Variants in RALYL observed in about 807,000 individuals in gnomAD.
RALYL encodes RNA-binding Raly-like protein.
Under a neutral mutation model 35.1 loss-of-function variants are expected in RALYL, and 29 were observed. The observed-to-expected ratio is 0.83, with a 90% CI of 0.61 to 1.13. The LOEUF (loss-of-function observed/expected upper bound fraction) is 1.13, where lower values mean the gene tolerates loss of function less well. Among genes scored for constraint, RALYL ranks in the 50% most tolerant of loss-of-function variants. RALYL has a pLI of 0.00. For synonymous variants in RALYL, 120 were observed against 127.6 expected, an observed-to-expected ratio of 0.94 and a Z score of 0.40; for missense variants, 359 against 360.4, an observed-to-expected ratio of 1.00 and a Z score of 0.03.
chr8:84,704,095 G>T (rs1287353320), intron 2 of RALYL, among the ~76,000 whole-genome samples: 1 of 152,160 alleles, frequency 6.6e-6, no homozygotes, highest in East Asian at 1.9e-4. Context: ...AAGAATTTGT[G>T]ATTGTATGGA....
At chr8:84,758,348 T>A (rs1189350143) in intron 2 of RALYL, among the ~76,000 whole-genome samples, 3 of 152,160 alleles carry the variant, frequency 2.0e-5, no homozygotes, top group Admixed American at 1.3e-4. Context: ...AACCTTAGAG[T>A]AATTGCATGA....
At chr8:84,472,731 A>G (rs1199909249) in intron 1 of RALYL, among the ~76,000 whole-genome samples, 2 of 152,186 alleles carry the variant, frequency 1.3e-5, no homozygotes, top group African/African-American at 2.4e-5. Flanking sequence ...AGTGAAATAA[A>G]TCTGGCTACT....
At chr8:84,613,266 T>A (rs1018481030) in intron 2 of RALYL, among the ~76,000 whole-genome samples, 5 of 151,580 alleles carry the variant, frequency 3.3e-5, no homozygotes, top group Non-Finnish European at 5.9e-5. Context: ...TAAACTTAGT[T>A]GCAAATAAAG....
In RALYL at chr8:84,268,869, C is replaced by A. The variant is rs929712288; in HGVS notation, c.-24+84445C>A. 2.0e-5 allele frequency among the ~76,000 whole-genome samples: 3 copies of A among 152,060 alleles called. No individual in the cohort carries two copies. In the South Asian group the frequency reaches 6.2e-4, roughly 32 times the overall value. Reference sequence around the variant, plus strand: ...ATAAGTTCCCATAAGGCAAGGGAAGCATATCATATATGAGAAAGAATTTTA... The same window carrying A: ...ATAAGTTCCCATAAGGCAAGGGAAGAATATCATATATGAGAAAGAATTTTA... On this transcript the variant is annotated intron_variant, in intron 1 of 8. Coordinates refer to ENST00000521268, the MANE Select transcript of RALYL (RefSeq NM_173848.7).
intron 3 of RALYL, among the ~76,000 whole-genome samples, chr8:84,790,800 A>G (rs1474527625): frequency 3.3e-5 from 5 of 152,234 alleles, no homozygotes; most frequent in Non-Finnish European, 7.3e-5. Flanking sequence ...GAGATCCAGA[A>G]GTAGCGGATT....
intron 2 of RALYL, among the ~76,000 whole-genome samples, chr8:84,605,719 CA>C (rs1816970487): frequency 1.3e-5 from 2 of 152,098 alleles, no homozygotes; most frequent in Admixed American, 1.3e-4. Flanking sequence ...AATGTACTGG[CA>C]ATCTTTTTCT....
chr8:84,304,131 A>G (rs1168273344), intron 1 of RALYL, among the ~76,000 whole-genome samples: 1 of 151,728 alleles, frequency 6.6e-6, no homozygotes, highest in Non-Finnish European at 1.5e-5. Context: ...TTATTTATTT[A>G]TTTTTAGATG....
chr8:84,633,391 T>A (rs572467603), intron 2 of RALYL, among the ~76,000 whole-genome samples: 128 of 151,742 alleles, frequency 8.4e-4, no homozygotes, highest in Middle Eastern at 3.4e-3. Context: ...TAAAAAAAAA[T>A]TTTTAGCTGC....
At chr8:84,387,152 T>A (rs1859400317) in intron 1 of RALYL, among the ~76,000 whole-genome samples, 1 of 151,860 alleles carries the variant, frequency 6.6e-6, no homozygotes, top group Non-Finnish European at 1.5e-5. Context: ...TAACTAGCAG[T>A]GCCAGGGACA....
chr8:84,814,317 T>C (rs1294177747), intron 4 of RALYL, among the ~76,000 whole-genome samples: 2 of 152,170 alleles, frequency 1.3e-5, no homozygotes, highest in African/African-American at 2.4e-5. Context: ...AGAAGTTTCA[T>C]TATAAAAACC....
intron 2 of RALYL, among the ~76,000 whole-genome samples, chr8:84,545,176 T>C (rs2060274566): frequency 6.6e-6 from 1 of 152,124 alleles, no homozygotes; most frequent in African/African-American, 2.4e-5. Context: ...TCATCACTTA[T>C]TTTATAATCC....
chr8:84,693,868 T>C (rs1024481380), intron 2 of RALYL, among the ~76,000 whole-genome samples: 1 of 151,928 alleles, frequency 6.6e-6, no homozygotes, highest in African/African-American at 2.4e-5. Flanking sequence ...AAAAACCATA[T>C]GATCACCTCA....
chr8:84,529,529 G>A lies in RALYL; in HGVS notation c.208G>A (p.Ala70Thr), dbSNP rs1318342136. ...GTACATGAGTGAGCGACATGCAAGA[G>A]CTGCAGTGGCTGGAGAAAATGCCAG... is the stretch of plus-strand genomic sequence containing the variant. ...VQYMSERHARAAVAGENARVI... is the reference protein window; with the variant it reads ...VQYMSERHARTAVAGENARVI... The change falls in exon 2 of 9, where the codon GCT (alanine) becomes ACT (threonine). Residue 70 changes from alanine to threonine, a missense_variant. By Grantham distance (58) the Ala-to-Thr change is moderately conservative (BLOSUM62 0). Coordinates refer to ENST00000521268, the MANE Select transcript of RALYL (RefSeq NM_173848.7). 7 of 1,611,356 alleles carry A rather than the reference G, an allele frequency of 4.3e-6. No homozygotes were observed. The highest frequency in any genetic ancestry group is 1.3e-5 in the African/African-American group (1 of 74,888).
At position 84,887,670 on chromosome 8, in the gene RALYL, C is replaced by G. The variant is rs766151055; in HGVS notation, c.752C>G (p.Ala251Gly). 2 of 1,613,268 alleles carry G rather than the reference C, an allele frequency of 1.2e-6. No individual in the cohort carries two copies. The highest frequency in any genetic ancestry group is 2.2e-5 in the South Asian group (2 of 91,056). Residue 251 changes from alanine (A) to glycine (G), a missense_variant, in exon 8 of 9, where the codon GCA (alanine) becomes GGA (glycine). Coordinates refer to ENST00000521268, the MANE Select transcript of RALYL (RefSeq NM_173848.7). ...CAAGAGGAATGTGTGTCAGAGATTG[C>G]AGATCACTCTACAGAGGAGCCTGCT... ...LIQEECVSEI[A>G]DHSTEEPAEG...
intron 1 of RALYL, among the ~76,000 whole-genome samples, chr8:84,414,460 T>A (rs559489507): frequency 9.2e-5 from 14 of 152,266 alleles, no homozygotes; most frequent in Non-Finnish European, 2.1e-4. Flanking sequence ...GTGAAGGGAA[T>A]TAAAGAAGAG....
chr8:84,807,086 G>T (rs1387275347), intron 4 of RALYL, among the ~76,000 whole-genome samples: 1 of 152,090 alleles, frequency 6.6e-6, no homozygotes, highest in African/African-American at 2.4e-5. Flanking sequence ...GTGGTGATTG[G>T]TGAGATTTTG....
At chr8:84,857,835 G>T (rs1199413301) in intron 5 of RALYL, among the ~76,000 whole-genome samples, 2 of 152,086 alleles carry the variant, frequency 1.3e-5, no homozygotes, top group East Asian at 3.8e-4. Flanking sequence ...CTGAGACTTA[G>T]AATTGTAGTT....
At chr8:84,884,075 C>T (rs193042909) in intron 7 of RALYL, among the ~76,000 whole-genome samples, 1 of 152,132 alleles carries the variant, frequency 6.6e-6, no homozygotes, top group Admixed American at 6.6e-5. Context: ...TCTTCATGTG[C>T]AAGGCATTCA....
intron 2 of RALYL, among the ~76,000 whole-genome samples, chr8:84,741,898 T>G (rs1341126461): frequency 6.6e-6 from 1 of 151,962 alleles, no homozygotes; most frequent in African/African-American, 2.4e-5. Context: ...GCCATTAACA[T>G]TCAAGGTTTG....
Sources: gnomAD v4.1 joint callset for allele counts (sites outside exome capture counted in the v4.1 genomes callset) on GRCh38, gnomAD v4.1.1 for gene constraint, MANE v1.5 for transcripts, NCBI Gene and HGNC (gene_info 2026-07-23, HGNC 2026-07-21) for gene names.